CRHBP: variants seen among roughly 807,000 people sequenced by gnomAD.
CRHBP encodes corticotropin-releasing hormone-binding protein.
CRHBP carries 19 observed loss-of-function variants against 34.9 expected under a neutral mutation model. That is an observed-to-expected ratio of 0.55 (90% CI 0.38 to 0.80). The LOEUF (loss-of-function observed/expected upper bound fraction) is 0.80, where lower values mean the gene tolerates loss of function less well. Ranked by LOEUF, CRHBP falls within the 30% of genes least tolerant of loss-of-function variation. CRHBP has a pLI of 0.00. For synonymous variants in CRHBP, 154 were observed against 153.4 expected (o/e 1.00, Z -0.03); for missense variants, 328 against 409.2 (o/e 0.80, Z 1.71).
intron 4 of CRHBP, among the ~76,000 whole-genome samples, chr5:76,957,364 T>A (rs1745698511): frequency 6.6e-6 from 1 of 152,192 alleles, no homozygotes; most frequent in Admixed American, 6.5e-5. Flanking sequence ...GCTTCTAGTT[T>A]CATATCTAGA....
chr5:76,969,934 CTTTTTTTTTT>C (rs201228247), downstream of CRHBP, among the ~76,000 whole-genome samples: 50 of 61,626 alleles, frequency 8.1e-4, no homozygotes, highest in Admixed American at 1.0e-3. Context: ...AAAGAAAATT[CTTTTTTTTTT>C]TTTTTTTTTT....
At position 76,963,886 on chromosome 5, in the gene CRHBP, C is replaced by T. The variant is rs979237202; in HGVS notation, c.811+426C>T. On this transcript the variant is annotated intron_variant, in intron 6 of 6. Coordinates refer to ENST00000274368, the MANE Select transcript of CRHBP (RefSeq NM_001882.4). The stretch of plus-strand genomic sequence containing the variant: ...TGTGTATGTATGTGTGTGTGTTACT[C>T]ATAGTAAATAAACAACAAAGTGATA... Among the ~76,000 whole-genome samples the T allele has an allele frequency of 3.3e-5, 5 of 152,166 alleles. No individual in the cohort carries two copies. The South Asian group carries it at 1.0e-3, about 32-fold the overall frequency.
downstream of CRHBP, among the ~76,000 whole-genome samples, chr5:76,970,319 C>A (rs554732737): frequency 6.6e-6 from 1 of 151,922 alleles, no homozygotes; most frequent in East Asian, 1.9e-4. Flanking sequence ...TAATTAATGG[C>A]CTTATTATGG....
At chr5:76,959,974 C>T (rs1290014612) in intron 5 of CRHBP, among the ~76,000 whole-genome samples, 1 of 152,144 alleles carries the variant, frequency 6.6e-6, no homozygotes, top group Non-Finnish European at 1.5e-5. Context: ...TGTTCCTTCA[C>T]AAAATATTTT....
At chr5:76,957,368 A>G (rs1745698596) in intron 4 of CRHBP, among the ~76,000 whole-genome samples, 1 of 152,176 alleles carries the variant, frequency 6.6e-6, no homozygotes. Flanking sequence ...CTAGTTTCAT[A>G]TCTAGACTAA....
At chr5:76,974,899 G>T (rs1403811160) in intron 2 of CRHBP, among the ~76,000 whole-genome samples, 2 of 152,134 alleles carry the variant, frequency 1.3e-5, no homozygotes, top group East Asian at 1.9e-4. Flanking sequence ...TGAAATAGAG[G>T]TCTCTAAATT....
At chr5:76,964,882 A>G (rs1745837207) in intron 6 of CRHBP, among the ~76,000 whole-genome samples, 1 of 151,748 alleles carries the variant, frequency 6.6e-6, no homozygotes, top group Non-Finnish European at 1.5e-5. Context: ...AAAAATATAT[A>G]TATATTCAGT....
At chr5:76,958,653 G>A (rs1745727350) in intron 4 of CRHBP, 88 bp from the exon 5 acceptor site, 1 of 1,423,146 alleles carries the variant, frequency 7.0e-7, no homozygotes, top group Non-Finnish European at 9.4e-7. Flanking sequence ...TCATGAACAG[G>A]AGCCCTAGAA....
chr5:76,953,903 A>T, intron 2 of CRHBP, 126 bp from the exon 3 acceptor site: 1 of 1,280,784 alleles, frequency 7.8e-7, no homozygotes, highest in Non-Finnish European at 1.1e-6. Context: ...AGCGCAGCCT[A>T]GGCTGGAAGT....
At chr5:76,968,418 A>G (rs1178333571) in intron 6 of CRHBP, among the ~76,000 whole-genome samples, 1 of 151,998 alleles carries the variant, frequency 6.6e-6, no homozygotes, top group Admixed American at 6.6e-5. Context: ...TGCCTTTACT[A>G]CTTAGGCTTT....
rs184001930 is a variant in CRHBP at position 76,953,319 on chromosome 5, C to T, written c.81+104C>T. 32 of 1,083,136 alleles carry T rather than the reference C, an allele frequency of 3.0e-5. No homozygotes were observed. In the Admixed American group the frequency reaches 5.9e-4, roughly 20 times the overall value. The allele number at this position is 1,083,136 out of a possible 1,614,324, so 67.1% of individuals were successfully genotyped here. A position where few individuals can be genotyped will look rare whatever the true frequency, so the allele number is the denominator to read the frequency against. ...AGCCTTTTGGGGTTCGCTGTTTCTTCCCTCTCTGCTGGATGCTGTCTTGCC... is the reference window on the plus strand; with the variant it reads ...AGCCTTTTGGGGTTCGCTGTTTCTTTCCTCTCTGCTGGATGCTGTCTTGCC... On this transcript the variant is annotated intron_variant, in intron 1 of 6. Transcript: ENST00000274368.
chr5:76,965,094 TAC>T (rs1449591306), intron 6 of CRHBP, among the ~76,000 whole-genome samples: 1 of 152,124 alleles, frequency 6.6e-6, no homozygotes, highest in African/African-American at 2.4e-5. Context: ...ATAGGTAATC[TAC>T]AGATGATTTA....
rs747551950 is a variant in CRHBP at position 76,968,719 on chromosome 5, C to T, written c.812-9C>T. 16 of 1,595,558 alleles carry T rather than the reference C, an allele frequency of 1.0e-5. No homozygotes were observed. The East Asian group carries it at 3.6e-4, about 36-fold the overall frequency. On this transcript the variant is annotated splice_polypyrimidine_tract_variant and intron_variant, in intron 6 of 6. Coordinates refer to ENST00000274368, the MANE Select transcript of CRHBP (RefSeq NM_001882.4). ...GCTGGGAAACTTTTATCTTTTCCAT[C>T]CATTATAGCCCAGATGAAAGTTGGC...
At chr5:76,969,669 T>G (rs1249038118), downstream of CRHBP, among the ~76,000 whole-genome samples, 1 of 152,218 alleles carries the variant, frequency 6.6e-6, no homozygotes, top group Non-Finnish European at 1.5e-5. Context: ...CACTAGCTGG[T>G]CCTGGCAGGG....
chr5:76,960,393 G>T (rs1200499673), intron 5 of CRHBP, among the ~76,000 whole-genome samples: 1 of 152,176 alleles, frequency 6.6e-6, no homozygotes, highest in Non-Finnish European at 1.5e-5. Flanking sequence ...AGGGAGATGG[G>T]CAGGGCCAGA....
chr5:76,955,390 T>C (rs1428617119), intron 3 of CRHBP, among the ~76,000 whole-genome samples: 1 of 152,214 alleles, frequency 6.6e-6, no homozygotes, highest in East Asian at 1.9e-4. Flanking sequence ...TTTACCAAAG[T>C]GGTTGAAATG....
At chr5:76,966,857 A>C (rs1029661826) in intron 6 of CRHBP, among the ~76,000 whole-genome samples, 1 of 152,224 alleles carries the variant, frequency 6.6e-6, no homozygotes, top group African/African-American at 2.4e-5. Context: ...TCAAAATAAT[A>C]AATAAATAAT....
intron 2 of CRHBP, among the ~76,000 whole-genome samples, chr5:76,975,872 A>ACC: frequency 7.2e-6 from 1 of 138,102 alleles, no homozygotes; most frequent in South Asian, 2.3e-4. Context: ...ACACACACAT[A>ACC]TACATGCATA....
intron 3 of CRHBP, among the ~76,000 whole-genome samples, chr5:76,955,364 A>G (rs1745652003): frequency 1.3e-5 from 2 of 152,242 alleles, no homozygotes; most frequent in African/African-American, 2.4e-5. Context: ...AAAAATGTAC[A>G]TTGTACGTTG....
Sources: allele counts gnomAD v4.1 joint callset (sites outside exome capture counted in the v4.1 genomes callset), GRCh38; gene constraint gnomAD v4.1.1; transcripts MANE v1.5; gene names NCBI Gene and HGNC (gene_info 2026-07-23, HGNC 2026-07-21).